SH3D19: variants seen among roughly 807,000 people sequenced by gnomAD.
SH3D19 encodes SH3 domain containing 19.
A neutral mutation model predicts 112.1 loss-of-function variants in SH3D19; 58 were observed. The observed-to-expected ratio is 0.52, with a 90% CI of 0.42 to 0.64. SH3D19 has a LOEUF of 0.64. Among genes scored for constraint, SH3D19 ranks in the 30% least tolerant of loss-of-function variants. The pLI, the probability that SH3D19 is intolerant of heterozygous loss-of-function variation, is 0.00. For missense variants in SH3D19, 1,090 were observed against 1,263.4 expected (o/e 0.86, Z 2.08); for synonymous variants, 391 against 448.5 (o/e 0.87, Z 1.62).
intron 1 of SH3D19, among the ~76,000 whole-genome samples, chr4:151,244,559 T>C (rs114663286): frequency 1.3e-4 from 20 of 152,338 alleles, no homozygotes; most frequent in African/African-American, 4.6e-4. Flanking sequence ...GATTTAAATG[T>C]AAATCCAGGT....
intron 2 of SH3D19, among the ~76,000 whole-genome samples, chr4:151,215,559 A>T (rs1482085958): frequency 6.6e-6 from 1 of 152,250 alleles, no homozygotes; most frequent in Non-Finnish European, 1.5e-5. Flanking sequence ...GTCCAAAAGG[A>T]AGCAAGGTCA....
intron 4 of SH3D19, 95 bp downstream of exon 4, chr4:151,179,260 C>T: frequency 1.7e-6 from 1 of 597,770 alleles, no homozygotes; most frequent in Non-Finnish European, 2.4e-6. Context: ...GAATACATTG[C>T]TTATGAAAGT....
intron 1 of SH3D19, among the ~76,000 whole-genome samples, chr4:151,320,673 G>A (rs1244337482): frequency 6.6e-6 from 1 of 151,592 alleles, no homozygotes; most frequent in African/African-American, 2.4e-5. Context: ...GGTAAACAAA[G>A]AACTCCAATA....
At chr4:151,235,878 A>T (rs1769996062) in intron 1 of SH3D19, among the ~76,000 whole-genome samples, 1 of 151,782 alleles carries the variant, frequency 6.6e-6, no homozygotes, top group Non-Finnish European at 1.5e-5. Context: ...ATCACCATCC[A>T]CTCTCCCAGG....
At chr4:151,171,101 T>A (rs553776389) in intron 7 of SH3D19, among the ~76,000 whole-genome samples, 9 of 152,362 alleles carry the variant, frequency 5.9e-5, no homozygotes, top group African/African-American at 2.2e-4. Flanking sequence ...CATTGACATT[T>A]ATTTCCAATA....
intron 13 of SH3D19, among the ~76,000 whole-genome samples, chr4:151,138,712 A>C (rs564509971): frequency 6.6e-6 from 1 of 151,968 alleles, no homozygotes; most frequent in East Asian, 1.9e-4. Context: ...ACACACACAC[A>C]CACACACACA....
chr4:151,210,797 ATT>A (rs1765850126), intron 2 of SH3D19, among the ~76,000 whole-genome samples: 1 of 151,968 alleles, frequency 6.6e-6, no homozygotes, highest in South Asian at 2.1e-4. Flanking sequence ...TAATGATTTT[ATT>A]TTTTTCTCCT....
intron 11 of SH3D19, among the ~76,000 whole-genome samples, chr4:151,145,873 T>C (rs1753835717): frequency 6.6e-6 from 1 of 152,198 alleles, no homozygotes; most frequent in Non-Finnish European, 1.5e-5. Flanking sequence ...TCCTCACTTG[T>C]TAAAGGAGGA....
intron 7 of SH3D19, among the ~76,000 whole-genome samples, chr4:151,172,973 G>A (rs966207406): frequency 1.1e-4 from 16 of 152,168 alleles, no homozygotes; most frequent in Non-Finnish European, 1.5e-4. Context: ...GCTAAAAGAC[G>A]CCCCAATAAT....
chr4:151,277,105 C>A, intron 1 of SH3D19: 1 of 1,223,350 alleles, frequency 8.2e-7, no homozygotes, highest in South Asian at 2.6e-5. Flanking sequence ...GGCAGCTCCC[C>A]ATTGGCCTCT....
At chr4:151,144,169 G>A in intron 11 of SH3D19, 119 bp from the exon 12 acceptor site, 1 of 1,593,828 alleles carries the variant, frequency 6.3e-7, no homozygotes, top group Non-Finnish European at 8.6e-7. Context: ...AGTAACAGAG[G>A]CCAGTAATTT....
intron 17 of SH3D19, among the ~76,000 whole-genome samples, chr4:151,130,164 G>A (rs545015051): frequency 1.1e-4 from 16 of 152,244 alleles, no homozygotes; most frequent in African/African-American, 1.4e-4. Context: ...ATGGAAGGCC[G>A]GATGTGGTGG....
At chr4:151,221,066 T>C (rs1372332109) in intron 2 of SH3D19, among the ~76,000 whole-genome samples, 1 of 152,192 alleles carries the variant, frequency 6.6e-6, no homozygotes, top group Admixed American at 6.5e-5. Flanking sequence ...GGGGTCTTAG[T>C]GTTGGCCTAC....
chr4:151,187,037 G>A (rs1012229722), intron 3 of SH3D19, among the ~76,000 whole-genome samples: 4 of 150,412 alleles, frequency 2.7e-5, no homozygotes, highest in African/African-American at 7.3e-5. Context: ...CTCGTGATCC[G>A]CCTGCCTTGG....
At chr4:151,136,517 T>G (rs895736583) in intron 14 of SH3D19, among the ~76,000 whole-genome samples, 9 of 152,208 alleles carry the variant, frequency 5.9e-5, no homozygotes, top group African/African-American at 2.2e-4. Flanking sequence ...AATAAAATAT[T>G]TGGCTATAAT....
At position 151,137,731 on chromosome 4, in the gene SH3D19, C is replaced by G. The variant is rs1158335344; in HGVS notation, c.2427+1G>C. The G allele has an allele frequency of 1.9e-6, 3 of 1,589,306 alleles. No individual in the cohort carries two copies. The highest frequency in any genetic ancestry group is 2.6e-6 in the Non-Finnish European group (3 of 1,170,180). ...AATTAAAACAAACACAACCCACTTA[C>G]AATCACTTTGACATAGTTGGCAGGA... On this transcript the variant is annotated splice_donor_variant, in intron 14 of 19. Coordinates refer to ENST00000604030, the MANE Select transcript of SH3D19 (RefSeq NM_001378122.1). LOFTEE classifies it high-confidence loss of function.
chr4:151,200,940 T>C lies in SH3D19; in HGVS notation c.153-13477A>G, dbSNP rs188199485. On this transcript the variant is annotated intron_variant, in intron 2 of 19. Coordinates refer to ENST00000604030, the MANE Select transcript of SH3D19 (RefSeq NM_001378122.1). The stretch of plus-strand genomic sequence containing the variant: ...ATTGGAATTACGCTCAGAGAGCGAG[T>C]TGCTCACATTTATCAGCATACCACT... Among the ~76,000 whole-genome samples the C allele has an allele frequency of 2.8e-3, 434 of 152,286 alleles. 4 individuals are homozygous for C. The highest frequency in any genetic ancestry group is 4.4e-3 in the South Asian group (21 of 4,822).
At chr4:151,171,387 A>C (rs973269751) in intron 7 of SH3D19, among the ~76,000 whole-genome samples, 3 of 152,196 alleles carry the variant, frequency 2.0e-5, no homozygotes, top group Non-Finnish European at 4.4e-5. Flanking sequence ...AAAACAAAAA[A>C]CAAAAAACAC....
intron 1 of SH3D19, chr4:151,282,370 C>G (rs1253887658): frequency 4.3e-6 from 7 of 1,613,790 alleles, no homozygotes; most frequent in African/African-American, 1.3e-5. Context: ...CAATTCCACC[C>G]TTTTGTTGGG....
Sources: gnomAD v4.1 joint callset for allele counts (sites outside exome capture counted in the v4.1 genomes callset) on GRCh38, gnomAD v4.1.1 for gene constraint, MANE v1.5 for transcripts, NCBI Gene and HGNC (gene_info 2026-07-23, HGNC 2026-07-21) for gene names.